Variants in AGTPBP1 observed in about 807,000 individuals in gnomAD.
AGTPBP1 encodes cytosolic carboxypeptidase 1.
In AGTPBP1, 70 loss-of-function variants were observed where a neutral mutation model predicts 143.9. That is an observed-to-expected ratio of 0.49 (90% CI 0.40 to 0.59). The LOEUF (loss-of-function observed/expected upper bound fraction) is 0.59. Ranked by LOEUF, AGTPBP1 falls within the 20% of genes least tolerant of loss-of-function variation. The pLI is 0.00. For missense variants in AGTPBP1, 1,229 were observed against 1,464.5 expected, an observed-to-expected ratio of 0.84 and a Z score of 2.62; for synonymous variants, 463 against 500.2, an observed-to-expected ratio of 0.93 and a Z score of 0.99.
chr9:85,697,379 GTTTA>G (rs1205937206), intron 2 of AGTPBP1, among the ~76,000 whole-genome samples: 1 of 122,580 alleles, frequency 8.2e-6, no homozygotes, highest in Non-Finnish European at 1.6e-5. Flanking sequence ...TATGCAGTGG[GTTTA>G]TTATTTTTTA....
rs565867979 is a variant in AGTPBP1 at position 85,708,144 on chromosome 9, T to C, written c.32+4358A>G. On this transcript the variant is annotated intron_variant, in intron 2 of 25. Transcript: ENST00000357081. ...AGGGAGAATCCATTTCCTTGCCTTT[T>C]CCAGTTTCTAGAGGTCACCTGTATT... 5.9e-5 allele frequency among the ~76,000 whole-genome samples: 9 copies of C among 152,334 alleles called. No individual in the cohort carries two copies. The South Asian group carries it at 1.9e-3, about 32-fold the overall frequency.
At chr9:85,771,057 G>T in the AGTPBP1 span, among the ~76,000 whole-genome samples, 1 of 152,146 alleles carries the variant, frequency 6.6e-6, no homozygotes, top group South Asian at 2.1e-4. Context: ...ATAGCATTGA[G>T]AACTATATCC....
At chr9:85,802,881 G>A in the AGTPBP1 span, among the ~76,000 whole-genome samples, 1 of 152,150 alleles carries the variant, frequency 6.6e-6, no homozygotes, top group Non-Finnish European at 1.5e-5. Flanking sequence ...CAAAGTAAAC[G>A]CCTTGGCCTG....
At position 85,619,234 on chromosome 9, in the gene AGTPBP1, T is replaced by A; in HGVS notation, c.2167A>T (p.Lys723Ter). The A allele has an allele frequency of 6.2e-7, 1 of 1,613,404 alleles. No individual in the cohort carries two copies. Residue 723 changes from lysine to a stop codon, truncating the protein, a stop_gained, in exon 16 of 26, where the codon AAA (lysine) becomes TAA (stop). Coordinates refer to ENST00000357081, the MANE Select transcript of AGTPBP1 (RefSeq NM_001330701.2). LOFTEE classifies it high-confidence loss of function. ...ACTTACTTTCTAATTTGAATTACTTTGCGCAGATTCCCAGACTCAAATTTG... is the reference window on the plus strand; with the variant it reads ...ACTTACTTTCTAATTTGAATTACTTAGCGCAGATTCCCAGACTCAAATTTG... Reference protein sequence around the residue: ...NSKFESGNLRKVIQIRKNEYD... With the variant: ...NSKFESGNLR
chr9:85,588,217 C>T, intron 21 of AGTPBP1, 81 bp downstream of exon 21: 2 of 1,199,782 alleles, frequency 1.7e-6, no homozygotes, highest in East Asian at 2.8e-5. Flanking sequence ...GTTTGTTAAC[C>T]TGGACATTGT....
the AGTPBP1 span, among the ~76,000 whole-genome samples, chr9:85,755,401 G>A: frequency 6.6e-6 from 1 of 151,980 alleles, no homozygotes; most frequent in Non-Finnish European, 1.5e-5. Flanking sequence ...GTACTCAGAT[G>A]TTTGTTTTGG....
intron 14 of AGTPBP1, among the ~76,000 whole-genome samples, chr9:85,624,660 C>G (rs1287734585): frequency 4.6e-5 from 7 of 152,072 alleles, no homozygotes; most frequent in African/African-American, 1.7e-4. Context: ...TTTGCCTTTG[C>G]CACAATTCTT....
chr9:85,670,359 A>G (rs991117633), intron 7 of AGTPBP1, among the ~76,000 whole-genome samples: 5 of 152,180 alleles, frequency 3.3e-5, no homozygotes, highest in Admixed American at 1.3e-4. Flanking sequence ...TTTTAAATAA[A>G]TAGGTCAGAA....
chr9:85,692,681 A>C lies in AGTPBP1; in HGVS notation c.157+8T>G, dbSNP rs777663448. The C allele has an allele frequency of 6.2e-7, 1 of 1,612,276 alleles. No individual in the cohort carries two copies. Among genetic ancestry groups the C allele is most frequent in the South Asian group, 1.1e-5 (1 of 90,690 alleles). On this transcript the variant is annotated splice_region_variant and intron_variant, in intron 3 of 25. Transcript: ENST00000357081. Reference sequence around the variant, plus strand: ...CATTTCAAAAACAAAGAAGAGATCAATGTTTACCTTGACTCTGAGCCAGAT... The same window carrying C: ...CATTTCAAAAACAAAGAAGAGATCACTGTTTACCTTGACTCTGAGCCAGAT...
chr9:85,773,503 TTA>T, the AGTPBP1 span, among the ~76,000 whole-genome samples: 1 of 150,710 alleles, frequency 6.6e-6, no homozygotes, highest in Non-Finnish European at 1.5e-5. Context: ...CCAGCTAATT[TTA>T]TATATATTTT....
At position 85,621,280 on chromosome 9, in the gene AGTPBP1, T is replaced by A; in HGVS notation, c.2021A>T (p.Lys674Ile). ...LERPYGVQRT[K>I]IAQDIERLIH... is the part of the protein sequence containing the mutation. ...TAGCCTTTCAATATCTTGAGCAATT[T>A]TTGTCCTGAAATCATAAAGGTTTAA... Residue 674 changes from lysine to isoleucine, a missense_variant, in exon 15 of 26, where the codon AAA becomes ATA. Lys to Ile is a moderately radical substitution (Grantham distance 102). This residue lies in a region of AGTPBP1 where 743 missense variants were observed against 812.2 expected (regional missense o/e 0.91). Coordinates refer to ENST00000357081, the MANE Select transcript of AGTPBP1 (RefSeq NM_001330701.2). The A allele has an allele frequency of 6.9e-7, 1 of 1,441,214 alleles. No homozygotes were observed. Among genetic ancestry groups the A allele is most frequent in the Non-Finnish European group, 9.1e-7 (1 of 1,098,678 alleles). 89.3% of individuals were successfully genotyped at this position (1,441,214 alleles called of 1,614,324 possible).
chr9:85,792,723 T>C, the AGTPBP1 span, among the ~76,000 whole-genome samples: 10 of 152,368 alleles, frequency 6.6e-5, no homozygotes, highest in East Asian at 1.9e-4. Context: ...TTTTGTTACA[T>C]AGCAAATATT....
At chr9:85,638,200 G>A (rs1446219328) in intron 13 of AGTPBP1, among the ~76,000 whole-genome samples, 1 of 152,082 alleles carries the variant, frequency 6.6e-6, no homozygotes, top group Non-Finnish European at 1.5e-5. Context: ...TTATGGCTGA[G>A]GGAAAGAGGA....
intron 1 of AGTPBP1, among the ~76,000 whole-genome samples, chr9:85,726,916 G>A (rs1418932233): frequency 2.0e-5 from 3 of 152,160 alleles, no homozygotes; most frequent in African/African-American, 4.8e-5. Flanking sequence ...ATAAAAAAGT[G>A]TAAAATTACA....
the AGTPBP1 span, among the ~76,000 whole-genome samples, chr9:85,783,824 C>A: frequency 2.0e-5 from 3 of 151,904 alleles, no homozygotes; most frequent in Non-Finnish European, 1.5e-5. Context: ...TAGTAGAGAC[C>A]ATGTCGGCCA....
chr9:85,773,317 A>ATTTTT, the AGTPBP1 span, among the ~76,000 whole-genome samples: 2 of 98,998 alleles, frequency 2.0e-5, no homozygotes, highest in Admixed American at 1.2e-4. Flanking sequence ...ATTCCAACAA[A>ATTTTT]TTCTTTTTTT....
At chr9:85,625,904 G>GTTTTTTTTTTTT in intron 14 of AGTPBP1, among the ~76,000 whole-genome samples, 1 of 105,718 alleles carries the variant, frequency 9.5e-6, no homozygotes, top group Non-Finnish European at 1.8e-5. Context: ...ACCTAGTTTT[G>GTTTTTTTTTTTT]TTTTTTTTTT....
At chr9:85,773,264 CAAAA>C in the AGTPBP1 span, among the ~76,000 whole-genome samples, 2 of 46,776 alleles carry the variant, frequency 4.3e-5, no homozygotes, top group Non-Finnish European at 6.9e-5. Flanking sequence ...GACTCCTTCT[CAAAA>C]AAAAAAAAAA....
chr9:85,714,327 C>A (rs62570597), intron 1 of AGTPBP1, among the ~76,000 whole-genome samples: 1 of 152,152 alleles, frequency 6.6e-6, no homozygotes, highest in Non-Finnish European at 1.5e-5. Context: ...TGTGCCTTAT[C>A]CTTTAATCAC....
Sources: gnomAD v4.1 joint callset for allele counts (sites outside exome capture counted in the v4.1 genomes callset) on GRCh38, gnomAD v4.1.1 for gene constraint, gnomAD v4.1.1 regional missense constraint, MANE v1.5 for transcripts, NCBI Gene and HGNC (gene_info 2026-07-23, HGNC 2026-07-21) for gene names.